Variants in MRPL1 observed in about 807,000 individuals in gnomAD.
The protein encoded by MRPL1 is mitochondrial ribosomal protein L1.
In MRPL1, 28 loss-of-function variants were observed where a neutral mutation model predicts 38.0. The ratio of observed to expected loss-of-function variants is 0.74; its 90% confidence interval spans 0.55 to 1.01. The LOEUF (loss-of-function observed/expected upper bound fraction) is 1.01, where lower values mean the gene tolerates loss of function less well. Among genes scored for constraint, MRPL1 ranks in the 50% least tolerant of loss-of-function variants. The probability of loss-of-function intolerance (pLI) is 0.00; values close to 1 mark genes in which losing one functional copy is unlikely to be tolerated. For synonymous variants in MRPL1, 123 were observed against 126.7 expected (o/e 0.97, Z 0.20); for missense variants, 358 against 389.8 (o/e 0.92, Z 0.69).
intron 7 of MRPL1, among the ~76,000 whole-genome samples, chr4:77,947,504 A>G (rs757737203): frequency 2.6e-5 from 4 of 152,176 alleles, no homozygotes; most frequent in African/African-American, 4.8e-5. Context: ...GCTATTGGTA[A>G]TATAATGGAT....
chr4:77,889,037 C>G (rs1735747134), intron 5 of MRPL1, among the ~76,000 whole-genome samples: 1 of 152,146 alleles, frequency 6.6e-6, no homozygotes, highest in African/African-American at 2.4e-5. Flanking sequence ...TAATGAGAGA[C>G]TTTAACACCA....
intron 7 of MRPL1, among the ~76,000 whole-genome samples, chr4:77,935,396 C>T (rs1031486399): frequency 1.3e-5 from 2 of 149,798 alleles, no homozygotes; most frequent in African/African-American, 4.9e-5. Flanking sequence ...GAAAATAATT[C>T]TTTTTTTTTT....
chr4:77,907,060 C>G lies in MRPL1; in HGVS notation c.671-2206C>G, dbSNP rs138566343. ...ATGTATGCTGAGGGTATGCCGTGCTCTCTATGTAATGAGTTCCTCACATTG... is the reference window on the plus strand; with the variant it reads ...ATGTATGCTGAGGGTATGCCGTGCTGTCTATGTAATGAGTTCCTCACATTG... On this transcript the variant is annotated intron_variant, in intron 6 of 8. Coordinates refer to ENST00000315567, the MANE Select transcript of MRPL1 (RefSeq NM_020236.4). The G allele has an allele frequency of 1.6e-5, 16 of 985,388 alleles. No individual in the cohort carries two copies. The East Asian group carries it at 1.6e-3, about 98-fold the overall frequency. The allele number at this position is 985,388 out of a possible 1,614,324, so 61.0% of individuals were successfully genotyped here.
At chr4:77,888,775 C>T (rs980546818) in intron 5 of MRPL1, among the ~76,000 whole-genome samples, 9 of 151,934 alleles carry the variant, frequency 5.9e-5, no homozygotes, top group Admixed American at 5.2e-4. Flanking sequence ...AGGTTTGTTA[C>T]GTATGTATAT....
Position 77,885,248 on chromosome 4 carries a change from G to A in MRPL1, c.403-8G>A, listed in dbSNP as rs774308323. 2 of 1,601,998 alleles carry A rather than the reference G, an allele frequency of 1.2e-6. No homozygotes were observed. Among genetic ancestry groups the A allele is most frequent in the Admixed American group, 3.3e-5 (2 of 59,984 alleles). On this transcript the variant is annotated splice_polypyrimidine_tract_variant and splice_region_variant and intron_variant, in intron 3 of 8. Transcript: ENST00000315567. ...TTACGTAATTATTTTTCCTTGTCAT[G>A]TGTTTAGAAAAACGTGGAGCCATTT...
At chr4:77,893,175 G>A (rs1444135930) in intron 5 of MRPL1, among the ~76,000 whole-genome samples, 1 of 152,148 alleles carries the variant, frequency 6.6e-6, no homozygotes, top group Non-Finnish European at 1.5e-5. Context: ...TTGGGCAGTG[G>A]CACGATCTTG....
intron 2 of MRPL1, among the ~76,000 whole-genome samples, 187 bp from the exon 3 acceptor site, chr4:77,883,054 AT>A (rs2110234909): frequency 6.6e-6 from 1 of 152,198 alleles, no homozygotes; most frequent in East Asian, 1.9e-4. Context: ...CAACTTATTC[AT>A]GACTTCAGAC....
chr4:77,905,036 C>T (rs942403519), intron 6 of MRPL1, among the ~76,000 whole-genome samples: 3 of 151,998 alleles, frequency 2.0e-5, no homozygotes, highest in Non-Finnish European at 2.9e-5. Context: ...GGGTGAATAC[C>T]CCTAAGAAAA....
At chr4:77,878,609 G>A (rs1735455399) in intron 2 of MRPL1, among the ~76,000 whole-genome samples, 1 of 152,164 alleles carries the variant, frequency 6.6e-6, no homozygotes, top group African/African-American at 2.4e-5. Flanking sequence ...GCCAGGTGCA[G>A]TGGCTCATGT....
intron 6 of MRPL1, among the ~76,000 whole-genome samples, chr4:77,901,486 A>T (rs969265508): frequency 1.3e-5 from 2 of 151,954 alleles, no homozygotes; most frequent in Admixed American, 6.6e-5. Flanking sequence ...AAAAAACCCA[A>T]CTATATGCTG....
At chr4:77,887,372 C>T (rs1578043130) in intron 5 of MRPL1, 81 bp downstream of exon 5, 1 of 1,128,762 alleles carries the variant, frequency 8.9e-7, no homozygotes, top group South Asian at 1.3e-5. Flanking sequence ...ATATGTGGAA[C>T]ACTAGTCTCA....
intron 1 of MRPL1, among the ~76,000 whole-genome samples, chr4:77,865,139 C>T (rs1735099319): frequency 6.6e-6 from 1 of 151,906 alleles, no homozygotes; most frequent in Admixed American, 6.6e-5. Flanking sequence ...ATCCACTCAC[C>T]TCTGCCTCCC....
chr4:77,907,628 G>A (rs1736188095), intron 6 of MRPL1, among the ~76,000 whole-genome samples: 1 of 150,666 alleles, frequency 6.6e-6, no homozygotes, highest in African/African-American at 2.4e-5. Flanking sequence ...GCAGTGGCAT[G>A]ATCTCAGCTC....
At chr4:77,868,629 C>A (rs1322548204) in intron 1 of MRPL1, among the ~76,000 whole-genome samples, 1 of 152,176 alleles carries the variant, frequency 6.6e-6, no homozygotes, top group African/African-American at 2.4e-5. Context: ...GAGACCTAAT[C>A]TATTCAGGGG....
chr4:77,934,075 G>A (rs1023605184), intron 7 of MRPL1, among the ~76,000 whole-genome samples: 8 of 152,204 alleles, frequency 5.3e-5, no homozygotes, highest in African/African-American at 1.9e-4. Flanking sequence ...ATGAGCTGTT[G>A]TATAGACACA....
chr4:77,910,853 T>G (rs1282055546), intron 7 of MRPL1, among the ~76,000 whole-genome samples: 3 of 152,220 alleles, frequency 2.0e-5, no homozygotes, highest in Non-Finnish European at 4.4e-5. Flanking sequence ...CCAATTTATT[T>G]GGCACTGAGC....
At chr4:77,886,096 A>AT (rs923616783) in intron 4 of MRPL1, among the ~76,000 whole-genome samples, 5 of 151,760 alleles carry the variant, frequency 3.3e-5, no homozygotes, top group South Asian at 2.1e-4. Context: ...TGTGTTTATG[A>AT]TTTTTTTTTA....
At chr4:77,940,659 C>G (rs1204357435) in intron 7 of MRPL1, among the ~76,000 whole-genome samples, 1 of 152,122 alleles carries the variant, frequency 6.6e-6, no homozygotes, top group Non-Finnish European at 1.5e-5. Flanking sequence ...TTTCCCCATT[C>G]AGTATTTTGT....
chr4:77,940,831 A>T (rs1578063929), intron 7 of MRPL1, among the ~76,000 whole-genome samples: 2 of 152,118 alleles, frequency 1.3e-5, no homozygotes, highest in African/African-American at 2.4e-5. Flanking sequence ...AATTCTGTTT[A>T]TGTGGTGTAT....
Sources: allele counts gnomAD v4.1 joint callset (sites outside exome capture counted in the v4.1 genomes callset), GRCh38; gene constraint gnomAD v4.1.1; transcripts MANE v1.5; gene names NCBI Gene and HGNC (gene_info 2026-07-23, HGNC 2026-07-21).